The following TENM3 variants were observed in gnomAD, a reference collection of about 807,000 sequenced individuals.
TENM3 encodes the protein teneurin-3.
TENM3 carries 63 observed loss-of-function variants against 255.1 expected under a neutral mutation model. The observed-to-expected ratio is 0.25, with a 90% confidence interval of 0.20 to 0.30. The LOEUF is 0.30. Among genes scored for constraint, TENM3 ranks in the 10% least tolerant of loss-of-function variants. TENM3 has a pLI of 1.00. For synonymous variants in TENM3, 1,306 were observed against 1,322.3 expected, an observed-to-expected ratio of 0.99 and a Z score of 0.27; for missense variants, 2,929 against 3,461.1, an observed-to-expected ratio of 0.85 and a Z score of 3.86.
chr4:181,661,691 C>A, the TENM3 span, among the ~76,000 whole-genome samples: 1 of 152,058 alleles, frequency 6.6e-6, no homozygotes, highest in East Asian at 1.9e-4. Context: ...CTGGGAGGTG[C>A]GGTTATCAGG....
intron 5 of TENM3, among the ~76,000 whole-genome samples, chr4:182,644,661 T>C (rs555096449): frequency 6.6e-6 from 1 of 152,334 alleles, no homozygotes; most frequent in East Asian, 1.9e-4. Context: ...TATTAACATA[T>C]TGTCTCAAAA....
At chr4:182,275,115 G>A (rs560961993) in intron 1 of TENM3, among the ~76,000 whole-genome samples, 19 of 152,206 alleles carry the variant, frequency 1.2e-4, no homozygotes, top group South Asian at 6.2e-4. Context: ...TTGAGCCACC[G>A]CACCCAGCAG....
chr4:181,605,785 G>A, the TENM3 span, among the ~76,000 whole-genome samples: 2 of 152,128 alleles, frequency 1.3e-5, no homozygotes, highest in Non-Finnish European at 2.9e-5. Flanking sequence ...AATCTAATAA[G>A]TGGTACCCTA....
intron 3 of TENM3, among the ~76,000 whole-genome samples, chr4:182,470,729 A>G (rs917071078): frequency 1.3e-5 from 2 of 152,172 alleles, no homozygotes; most frequent in African/African-American, 4.8e-5. Context: ...GAAAGCTCTA[A>G]AACTTCACCA....
upstream of TENM3, chr4:182,141,859 C>T (rs148389131): frequency 1.3e-3 from 196 of 152,330 alleles, 3 homozygotes; most frequent in Middle Eastern, 6.8e-3. Flanking sequence ...CCCTAACTCA[C>T]ACAATGTAGC....
At chr4:181,825,765 A>G in the TENM3 span, among the ~76,000 whole-genome samples, 1 of 152,340 alleles carries the variant, frequency 6.6e-6, no homozygotes, top group African/African-American at 2.4e-5. Context: ...AATGTGGTGA[A>G]CATATGCCTT....
intron 22 of TENM3, among the ~76,000 whole-genome samples, chr4:182,768,392 A>G (rs1011351220): frequency 1.2e-4 from 19 of 152,200 alleles, no homozygotes; most frequent in Admixed American, 4.6e-4. Flanking sequence ...GGTTGGTAAC[A>G]GTCTAAATCA....
At chr4:181,569,908 A>G in the TENM3 span, among the ~76,000 whole-genome samples, 1 of 152,202 alleles carries the variant, frequency 6.6e-6, no homozygotes, top group Non-Finnish European at 1.5e-5. Flanking sequence ...GAATCAGGAC[A>G]CAAAACAGAC....
the TENM3 span, among the ~76,000 whole-genome samples, chr4:181,457,460 C>T: frequency 6.6e-6 from 1 of 151,606 alleles, no homozygotes. Context: ...GGGGCTCTCT[C>T]GATTAAACCC....
At chr4:182,677,505 T>C (rs1344346540) in intron 7 of TENM3, among the ~76,000 whole-genome samples, 1 of 152,182 alleles carries the variant, frequency 6.6e-6, no homozygotes, top group East Asian at 1.9e-4. Context: ...TGTGTAAATA[T>C]TTAAACCTGA....
the TENM3 span, among the ~76,000 whole-genome samples, chr4:181,825,784 A>G: frequency 6.6e-6 from 1 of 152,188 alleles, no homozygotes; most frequent in Non-Finnish European, 1.5e-5. Context: ...TTAGAACTGG[A>G]TGAATATGGT....
chr4:181,723,471 G>C, the TENM3 span, among the ~76,000 whole-genome samples: 1 of 151,788 alleles, frequency 6.6e-6, no homozygotes, highest in African/African-American at 2.4e-5. Context: ...ATGTATTTCT[G>C]TTGGATATCT....
the TENM3 span, among the ~76,000 whole-genome samples, chr4:181,989,013 C>A: frequency 6.6e-6 from 1 of 152,026 alleles, no homozygotes; most frequent in African/African-American, 2.4e-5. Flanking sequence ...CTTCTTAATT[C>A]TACTGTAGTA....
chr4:181,898,239 G>C, the TENM3 span, among the ~76,000 whole-genome samples: 2 of 151,452 alleles, frequency 1.3e-5, no homozygotes, highest in African/African-American at 2.4e-5. Flanking sequence ...AACAGTAGTA[G>C]GTGAGTCAAC....
At chr4:182,429,615 C>T (rs1268090775) in intron 3 of TENM3, among the ~76,000 whole-genome samples, 1 of 152,150 alleles carries the variant, frequency 6.6e-6, no homozygotes, top group Non-Finnish European at 1.5e-5. Context: ...GCCATAACAA[C>T]TTAAATGAAA....
chr4:182,426,007 C>CAAAAAAAAAAAAAAAAGAAAAA (rs1771185944), intron 3 of TENM3, among the ~76,000 whole-genome samples: 1 of 90,762 alleles, frequency 1.1e-5, no homozygotes, highest in Non-Finnish European at 2.2e-5. Context: ...GAGTCCATGT[C>CAAAAAAAAAAAAAAAAGAAAAA]AAAAAAAAAA....
At chr4:182,112,243 C>T in the TENM3 span, among the ~76,000 whole-genome samples, 3 of 152,200 alleles carry the variant, frequency 2.0e-5, no homozygotes, top group African/African-American at 4.8e-5. Flanking sequence ...GAGTATAGCG[C>T]GCCCTCCCCA....
At chr4:181,495,902 TAA>T in the TENM3 span, among the ~76,000 whole-genome samples, 2,009 of 116,828 alleles carry the variant, frequency 0.017, 24 homozygotes, top group South Asian at 0.046. Context: ...AGAGACAAAT[TAA>T]AAAAAAAAAA....
At position 182,311,189 on chromosome 4, in the gene TENM3, A is replaced by G. The variant is rs552117012; in HGVS notation, c.-75-12757A>G. 1.8e-4 allele frequency among the ~76,000 whole-genome samples: 28 copies of G among 152,360 alleles called. No homozygotes were observed. The South Asian group carries it at 5.8e-3, about 32-fold the overall frequency. On this transcript the variant is annotated intron_variant, in intron 1 of 27. Transcript: ENST00000511685. The stretch of plus-strand genomic sequence containing the variant: ...TCTTCTCTAATCGTCTTTTCCCTGA[A>G]GAAGCAGCTTGAAAATGTTTTCAGT...
Sources: allele counts gnomAD v4.1 joint callset (sites outside exome capture counted in the v4.1 genomes callset), GRCh38; gene constraint gnomAD v4.1.1; transcripts MANE v1.5; gene names NCBI Gene and HGNC (gene_info 2026-07-23, HGNC 2026-07-21).